Variants in MARF1 observed in about 807,000 individuals in gnomAD.
MARF1 encodes meiosis regulator and mRNA stability factor 1.
In MARF1, 24 loss-of-function variants were observed where a neutral mutation model predicts 168.2. The observed-to-expected ratio is 0.14, with a 90% CI of 0.10 to 0.20. MARF1 has a LOEUF of 0.20. Among genes scored for constraint, MARF1 ranks in the 10% least tolerant of loss-of-function variants. MARF1 has a pLI of 1.00. For synonymous variants in MARF1, 868 were observed against 822.4 expected (o/e 1.06, Z -0.95); for missense variants, 1,744 against 2,143.6 (o/e 0.81, Z 3.68).
chr16:15,600,415 T>C lies in MARF1; in HGVS notation c.4813+13A>G, dbSNP rs747162200. 5 of 1,614,006 alleles carry C rather than the reference T, an allele frequency of 3.1e-6. No homozygotes were observed. In the African/African-American group the frequency reaches 6.7e-5, roughly 22 times the overall value. The stretch of plus-strand genomic sequence containing the variant: ...TTTCACAAGCTCCTATGTCTCTGCT[T>C]TTCCTCTCTTACCACTGCCGTCAGC... On this transcript the variant is annotated intron_variant, in intron 25 of 26. Coordinates refer to ENST00000396368, the MANE Select transcript of MARF1 (RefSeq NM_014647.4).
chr16:15,638,437 T>G (rs2035737928), intron 2 of MARF1, among the ~76,000 whole-genome samples: 1 of 151,990 alleles, frequency 6.6e-6, no homozygotes, highest in Admixed American at 6.6e-5. Flanking sequence ...AATACAAAAA[T>G]TAGCCAGGCA....
intron 10 of MARF1, 29 bp downstream of exon 10, chr16:15,624,740 A>C (rs918214304): frequency 5.7e-5 from 91 of 1,600,214 alleles, no homozygotes; most frequent in Non-Finnish European, 7.5e-5. Context: ...ACATGTAACC[A>C]CCCCCATGGG....
rs762019935 is a variant in MARF1 at position 15,635,830 on chromosome 16, G to A, written c.657C>T (p.Thr219=). ...CAGAACAGGGGAAATAGCCAGCGGA[G>A]GTGCAGCCCTGCAGACTCGGAAACT... The part of the protein sequence containing the change: ...LHQFPSLQGC[T]SAGYFPCSDF... Residue 219 remains threonine, a synonymous_variant, in exon 3 of 27, where the codon ACC becomes ACT. Transcript: ENST00000396368. The A allele has an allele frequency of 2.5e-6, 4 of 1,614,094 alleles. No homozygotes were observed. The highest frequency in any genetic ancestry group is 2.7e-5 in the African/African-American group (2 of 74,930).
At chr16:15,630,927 T>TTGGGATCACC (rs1194594356) in intron 6 of MARF1, among the ~76,000 whole-genome samples, 18 of 152,022 alleles carry the variant, frequency 1.2e-4, no homozygotes, top group African/African-American at 3.9e-4. Context: ...GGTCAGGAGT[T>TTGGGATCACC]TGAGACCAGC....
chr16:15,627,881 A>G (rs77726040), intron 7 of MARF1, among the ~76,000 whole-genome samples: 7,496 of 152,108 alleles, frequency 0.049, 226 homozygotes, highest in Non-Finnish European at 0.074. Flanking sequence ...TAAAACAGAC[A>G]CTCTTATGAG....
rs201712699 is a variant in MARF1, at chr16:15,634,825, G to A, written c.938C>T (p.Thr313Ile). The A allele has an allele frequency of 3.3e-4, 539 of 1,613,884 alleles. No homozygotes were observed. The highest frequency in any genetic ancestry group is 4.3e-4 in the Non-Finnish European group (511 of 1,179,950). The change falls in exon 4 of 27, where the codon ACC becomes ATC. Residue 313 changes from threonine (T) to isoleucine (I), a missense_variant. Thr to Ile is a moderately conservative substitution (Grantham distance 89). Transcript: ENST00000396368. ...CGTGGTCTCCTTCCCTGTTCCTTTG[G>A]TTCCACAGCCATTACACAGAGGGAC... ...LAVPLCNGCG[T>I]KGTGKETTLL...
In MARF1 at chr16:15,633,760, C is replaced by T. The variant is rs368206502; in HGVS notation, c.1090G>A (p.Val364Ile). 80 of 1,613,906 alleles carry T rather than the reference C, an allele frequency of 5.0e-5. No individual in the cohort carries two copies. Among genetic ancestry groups the T allele is most frequent in the East Asian group, 6.7e-5 (3 of 44,892 alleles). ...GVFWDIENCS[V>I]PSGRSATAVV... ...GCAGTTGCTGACCGGCCAGAGGGAA[C>T]GGAGCAGTTTTCAATATCCCAAAAA... The change falls in exon 5 of 27, where the codon GTT becomes ATT. Residue 364 changes from valine to isoleucine, a missense_variant. Around this residue, in one of 7 missense-constraint regions of MARF1, gnomAD observed 217 missense variants for 372.4 expected, o/e 0.58. Coordinates refer to ENST00000396368, the MANE Select transcript of MARF1 (RefSeq NM_014647.4).
intron 10 of MARF1, 59 bp downstream of exon 10, chr16:15,624,710 A>C: frequency 2.5e-5 from 37 of 1,462,846 alleles, no homozygotes; most frequent in Non-Finnish European, 2.9e-5. Flanking sequence ...CAAACATACT[A>C]TTTCATAATC....
chr16:15,615,781 T>C (rs751441273), intron 16 of MARF1, 49 bp downstream of exon 16: 2 of 1,366,208 alleles, frequency 1.5e-6, no homozygotes, highest in Non-Finnish European at 1.9e-6. Flanking sequence ...CCTCCTCTGG[T>C]CTCATAGTGG....
chr16:15,615,056 C>T (rs1283604340), intron 16 of MARF1, among the ~76,000 whole-genome samples: 1 of 152,152 alleles, frequency 6.6e-6, no homozygotes, highest in East Asian at 1.9e-4. Flanking sequence ...GCTGGGATTA[C>T]AGGTGTGAGC....
chr16:15,607,115 C>T (rs560918595), intron 21 of MARF1, among the ~76,000 whole-genome samples: 53 of 142,778 alleles, frequency 3.7e-4, no homozygotes, highest in Middle Eastern at 3.5e-3. Flanking sequence ...TCTGCCTTGG[C>T]TCAGGGATGT....
intron 7 of MARF1, among the ~76,000 whole-genome samples, chr16:15,626,544 T>A (rs1056160642): frequency 1.3e-5 from 2 of 152,188 alleles, no homozygotes; most frequent in African/African-American, 2.4e-5. Context: ...AAAATTTTTT[T>A]AAAACCCAAC....
rs751865922 is a variant in MARF1 at position 15,596,646 on chromosome 16, G to C, written c.*47C>G. 1 of 1,515,420 alleles carries C rather than the reference G, an allele frequency of 6.6e-7. No individual in the cohort carries two copies. The highest frequency in any genetic ancestry group is 1.3e-5 in the South Asian group (1 of 74,978). The allele number at this position is 1,515,420 out of a possible 1,614,324, so 93.9% of individuals were successfully genotyped here. On this transcript the variant is annotated 3_prime_UTR_variant, in exon 27 of 27. Coordinates refer to ENST00000396368, the MANE Select transcript of MARF1 (RefSeq NM_014647.4). ...TTTTTGAAACCCACTTTTGTGTGCAGAATCAGACAGTGTTTTCCCATCCTA... is the reference window on the plus strand; with the variant it reads ...TTTTTGAAACCCACTTTTGTGTGCACAATCAGACAGTGTTTTCCCATCCTA...
At position 15,598,905 on chromosome 16, in the gene MARF1, G is replaced by C; in HGVS notation, c.4933C>G (p.Leu1645Val). ...SPQLRPDPVI[L>V]QSADLIQFEE... is the part of the protein sequence containing the mutation. ...AACTGAATGAGATCAGCAGATTGGAGGATAACGGGGTCTGGTCTCAGCTGA... is the reference window on the plus strand; with the variant it reads ...AACTGAATGAGATCAGCAGATTGGACGATAACGGGGTCTGGTCTCAGCTGA... The change falls in exon 26 of 27, where the codon CTC becomes GTC. Residue 1645 changes from leucine to valine, a missense_variant. Transcript: ENST00000396368. 3.1e-6 allele frequency: 5 copies of C among 1,614,030 alleles called. No homozygotes were observed. The highest frequency in any genetic ancestry group is 3.4e-6 in the Non-Finnish European group (4 of 1,180,016).
At chr16:15,610,674 C>T (rs2033451994) in intron 19 of MARF1, 1 of 254,272 alleles carries the variant, frequency 3.9e-6, no homozygotes, top group Non-Finnish European at 7.6e-6. Flanking sequence ...AGATTCTCAA[C>T]TGGATGACTA....
chr16:15,641,216 C>G (rs1406554362), intron 1 of MARF1, among the ~76,000 whole-genome samples: 1 of 152,170 alleles, frequency 6.6e-6, no homozygotes, highest in Non-Finnish European at 1.5e-5. Context: ...TCTATTTTCA[C>G]CACTGTATCT....
chr16:15,634,500 G>C (rs995863494), intron 4 of MARF1, among the ~76,000 whole-genome samples: 2 of 152,020 alleles, frequency 1.3e-5, no homozygotes, highest in Non-Finnish European at 2.9e-5. Context: ...GTCTTTTCCA[G>C]CACTTTTATT....
chr16:15,608,114 C>T (rs893411635), intron 21 of MARF1, among the ~76,000 whole-genome samples, 177 bp downstream of exon 21: 4 of 152,102 alleles, frequency 2.6e-5, no homozygotes, highest in Admixed American at 6.5e-5. Flanking sequence ...CAAACCAAGG[C>T]TTCTATTACC....
chr16:15,607,137 G>C lies in MARF1; in HGVS notation c.4182+1154C>G, dbSNP rs374497109. ...TGGCTCAGGGATGTTCGGCTCTCCT[G>C]GTTGTGCTTCCTGCTCTCTCACCTC... On this transcript the variant is annotated intron_variant, in intron 21 of 26. Transcript: ENST00000396368. Among the ~76,000 whole-genome samples, 84 of 152,304 alleles carry C rather than the reference G, an allele frequency of 5.5e-4. 3 individuals are homozygous for C. The South Asian group carries it at 0.017, about 31-fold the overall frequency.
Sources: allele counts gnomAD v4.1 joint callset (sites outside exome capture counted in the v4.1 genomes callset), GRCh38; gene constraint gnomAD v4.1.1; regional missense constraint gnomAD v4.1.1; transcripts MANE v1.5; gene names NCBI Gene and HGNC (gene_info 2026-07-23, HGNC 2026-07-21).